CADM2: variants seen among roughly 807,000 people sequenced by gnomAD.
CADM2 encodes immunoglobulin superfamily member 4D.
In CADM2, 12 loss-of-function variants were observed where a neutral mutation model predicts 49.8. The observed-to-expected ratio is 0.24, with a 90% CI of 0.15 to 0.39. CADM2 has a LOEUF of 0.39. Ranked by LOEUF, CADM2 falls within the 10% of genes least tolerant of loss-of-function variation. The probability of loss-of-function intolerance (pLI) is 1.00; values close to 1 mark genes in which losing one functional copy is unlikely to be tolerated. For synonymous variants in CADM2, 214 were observed against 175.4 expected, an observed-to-expected ratio of 1.22 and a Z score of -1.74; for missense variants, 378 against 492.3, an observed-to-expected ratio of 0.77 and a Z score of 2.20.
At chr3:85,410,660 G>A (rs1045224427) in intron 1 of CADM2, among the ~76,000 whole-genome samples, 8 of 152,142 alleles carry the variant, frequency 5.3e-5, no homozygotes, top group Admixed American at 3.3e-4. Flanking sequence ...TCCTTTTAGA[G>A]CAGAATACTT....
intron 2 of CADM2, among the ~76,000 whole-genome samples, chr3:85,764,312 A>T (rs572745944): frequency 8.5e-5 from 13 of 152,244 alleles, no homozygotes; most frequent in African/African-American, 3.1e-4. Flanking sequence ...AATGTGACTG[A>T]ATTATTCTGG....
chr3:85,743,864 A>G (rs2068497414), intron 2 of CADM2, among the ~76,000 whole-genome samples: 1 of 152,174 alleles, frequency 6.6e-6, no homozygotes, highest in Admixed American at 6.5e-5. Flanking sequence ...AAATTTTAAA[A>G]GATATTTAAA....
intron 1 of CADM2, among the ~76,000 whole-genome samples, chr3:85,032,227 T>TA (rs565376476): frequency 1.7e-4 from 26 of 151,778 alleles, no homozygotes; most frequent in African/African-American, 6.1e-4. Context: ...TTTTTTTTTT[T>TA]ATCTTGAGTT....
chr3:85,171,300 C>T (rs1559701424), intron 1 of CADM2, among the ~76,000 whole-genome samples: 1 of 152,144 alleles, frequency 6.6e-6, no homozygotes, highest in Non-Finnish European at 1.5e-5. Context: ...CAGCCCATAT[C>T]ATTGAAATGT....
intron 3 of CADM2, among the ~76,000 whole-genome samples, chr3:85,845,564 G>A (rs560297467): frequency 9.9e-5 from 15 of 152,206 alleles, no homozygotes; most frequent in East Asian, 7.7e-4. Flanking sequence ...GGCCTCCTCC[G>A]TAGGGCAACC....
At chr3:85,484,930 G>A (rs1009358874) in intron 1 of CADM2, among the ~76,000 whole-genome samples, 1 of 151,708 alleles carries the variant, frequency 6.6e-6, no homozygotes, top group African/African-American at 2.4e-5. Flanking sequence ...TTTCCTTCAC[G>A]CAGTTTGCCA....
At chr3:85,641,961 G>A (rs773209934) in intron 1 of CADM2, among the ~76,000 whole-genome samples, 22 of 151,858 alleles carry the variant, frequency 1.4e-4, no homozygotes, top group Non-Finnish European at 2.8e-4. Flanking sequence ...AAGAATGCAG[G>A]CATGAATGAG....
At chr3:85,911,339 A>C (rs1288449336) in intron 5 of CADM2, among the ~76,000 whole-genome samples, 1 of 152,120 alleles carries the variant, frequency 6.6e-6, no homozygotes, top group Non-Finnish European at 1.5e-5. Context: ...TCTTTTCCAC[A>C]AAGAACAAAT....
intron 1 of CADM2, among the ~76,000 whole-genome samples, chr3:85,184,484 T>A (rs2041007356): frequency 6.6e-6 from 1 of 152,162 alleles, no homozygotes; most frequent in Non-Finnish European, 1.5e-5. Flanking sequence ...TTTTAGTTCT[T>A]TAAACATTTG....
At chr3:85,361,384 A>AT (rs2032349903) in intron 1 of CADM2, among the ~76,000 whole-genome samples, 1 of 152,152 alleles carries the variant, frequency 6.6e-6, no homozygotes. Context: ...TATTGTTTGC[A>AT]TTGGGCTTTG....
intron 1 of CADM2, among the ~76,000 whole-genome samples, chr3:85,291,971 C>A (rs2043811057): frequency 6.6e-6 from 1 of 152,012 alleles, no homozygotes; most frequent in African/African-American, 2.4e-5. Flanking sequence ...ACTAAATTCT[C>A]CAATTAAAAG....
chr3:85,096,265 T>C (rs2037790223), intron 1 of CADM2, among the ~76,000 whole-genome samples: 1 of 152,116 alleles, frequency 6.6e-6, no homozygotes, highest in Admixed American at 6.6e-5. Context: ...TGAAAAGGAA[T>C]TTTATACACT....
chr3:85,594,720 G>C (rs1489425194), intron 1 of CADM2, among the ~76,000 whole-genome samples: 1 of 151,892 alleles, frequency 6.6e-6, no homozygotes, highest in Non-Finnish European at 1.5e-5. Flanking sequence ...TTATTAGTGA[G>C]GTTTTTTGTT....
intron 1 of CADM2, among the ~76,000 whole-genome samples, chr3:85,584,110 T>A (rs1257713427): frequency 6.6e-6 from 1 of 152,070 alleles, no homozygotes; most frequent in Non-Finnish European, 1.5e-5. Flanking sequence ...CTATTTTTGG[T>A]TAGTGTAAAT....
At chr3:86,023,080 C>T (rs1329808359) in intron 8 of CADM2, among the ~76,000 whole-genome samples, 2 of 152,154 alleles carry the variant, frequency 1.3e-5, no homozygotes. Flanking sequence ...CCCAGTCCCC[C>T]TTTTCCCAGT....
chr3:84,961,325 C>CCTTG (rs1285003849), intron 1 of CADM2, among the ~76,000 whole-genome samples: 1 of 152,190 alleles, frequency 6.6e-6, no homozygotes, highest in Non-Finnish European at 1.5e-5. Context: ...CCTGAATTAA[C>CCTTG]TAACTGACCT....
chr3:85,841,653 G>C (rs985277939), intron 3 of CADM2, among the ~76,000 whole-genome samples: 1 of 151,878 alleles, frequency 6.6e-6, no homozygotes, highest in Admixed American at 6.6e-5. Flanking sequence ...ACGAGTAGTG[G>C]ACACAATATC....
intron 1 of CADM2, among the ~76,000 whole-genome samples, chr3:85,441,040 A>G (rs2037178513): frequency 6.6e-6 from 1 of 152,112 alleles, no homozygotes; most frequent in South Asian, 2.1e-4. Context: ...TCTTTATAAT[A>G]CCAATATTTT....
intron 2 of CADM2, among the ~76,000 whole-genome samples, chr3:85,743,989 C>T (rs1190314998): frequency 6.6e-6 from 1 of 151,986 alleles, no homozygotes; most frequent in Non-Finnish European, 1.5e-5. Flanking sequence ...ACAAAAGAGA[C>T]AAAATCCCTA....
Sources: allele counts gnomAD v4.1 joint callset (sites outside exome capture counted in the v4.1 genomes callset), GRCh38; gene constraint gnomAD v4.1.1; transcripts MANE v1.5; gene names NCBI Gene and HGNC (gene_info 2026-07-23, HGNC 2026-07-21).